The following CAMK1D variants were observed in gnomAD, a reference collection of about 807,000 sequenced individuals.
The protein encoded by CAMK1D is calcium/calmodulin-dependent protein kinase type 1D.
Under a neutral mutation model 47.7 loss-of-function variants are expected in CAMK1D, and 9 were observed. The ratio of observed to expected loss-of-function variants is 0.19; its 90% CI spans 0.11 to 0.33. The LOEUF (loss-of-function observed/expected upper bound fraction) is 0.33, where lower values mean the gene tolerates loss of function less well. CAMK1D is among the 10% of genes least tolerant of loss of function. The pLI is 1.00. For synonymous variants in CAMK1D, 184 were observed against 184.9 expected, an observed-to-expected ratio of 0.99 and a Z score of 0.04; for missense variants, 291 against 488.7, an observed-to-expected ratio of 0.60 and a Z score of 3.81.
intron 1 of CAMK1D, among the ~76,000 whole-genome samples, chr10:12,436,043 C>T (rs912924513): frequency 2.0e-5 from 3 of 152,158 alleles, no homozygotes; most frequent in Non-Finnish European, 4.4e-5. Flanking sequence ...TGCAGGTGAA[C>T]AGCCTGAGAG....
chr10:12,590,332 C>T (rs933576614), intron 2 of CAMK1D, among the ~76,000 whole-genome samples: 3 of 152,202 alleles, frequency 2.0e-5, no homozygotes, highest in Admixed American at 6.5e-5. Context: ...ATCCTCCTAC[C>T]TCAGCCTTCC....
At chr10:12,823,457 G>A (rs1192129515) in intron 8 of CAMK1D, among the ~76,000 whole-genome samples, 1 of 152,110 alleles carries the variant, frequency 6.6e-6, no homozygotes, top group Non-Finnish European at 1.5e-5. Flanking sequence ...GTGGATGCCT[G>A]TAGGGAGAGG....
intron 5 of CAMK1D, among the ~76,000 whole-genome samples, chr10:12,774,018 TGAA>T (rs1295254618): frequency 7.1e-6 from 1 of 141,110 alleles, no homozygotes; most frequent in Non-Finnish European, 1.5e-5. Context: ...ATTCAGCCCT[TGAA>T]GAATTATTTA....
At chr10:12,716,324 G>A (rs763847972) in intron 3 of CAMK1D, among the ~76,000 whole-genome samples, 12 of 152,120 alleles carry the variant, frequency 7.9e-5, no homozygotes, top group African/African-American at 2.2e-4. Context: ...TAGCATCCCC[G>A]GTCTCCAAAC....
intron 3 of CAMK1D, among the ~76,000 whole-genome samples, chr10:12,693,857 TG>T (rs1478551052): frequency 7.3e-6 from 1 of 136,138 alleles, no homozygotes; most frequent in African/African-American, 2.8e-5. Flanking sequence ...CACTCTAGCA[TG>T]GGGGACAGAG....
chr10:12,788,608 G>A (rs1213049390), intron 5 of CAMK1D, among the ~76,000 whole-genome samples: 8 of 152,160 alleles, frequency 5.3e-5, no homozygotes, highest in Non-Finnish European at 7.3e-5. Context: ...TGCTTCTCAC[G>A]CCTCTGTGCC....
chr10:12,460,313 T>C (rs1292438206), intron 1 of CAMK1D, among the ~76,000 whole-genome samples: 1 of 151,520 alleles, frequency 6.6e-6, no homozygotes, highest in Non-Finnish European at 1.5e-5. Context: ...CAGTCTGGAG[T>C]GCAGTGGTGT....
At chr10:12,553,811 C>G (rs755265406) in intron 2 of CAMK1D, among the ~76,000 whole-genome samples, 1 of 152,198 alleles carries the variant, frequency 6.6e-6, no homozygotes. Flanking sequence ...CTGTCGCCAC[C>G]GCTGTGAGTA....
At chr10:12,769,937 G>A in intron 5 of CAMK1D, 138 bp downstream of exon 5, 1 of 903,184 alleles carries the variant, frequency 1.1e-6, no homozygotes, top group Admixed American at 2.4e-5. Flanking sequence ...CTTCCCCTGG[G>A]GGAAAGAATA....
rs543945405 is a variant in CAMK1D, at chr10:12,445,971, C to G, written c.92+96061C>G. 9.9e-5 allele frequency among the ~76,000 whole-genome samples: 15 copies of G among 152,188 alleles called. No individual in the cohort carries two copies. In the South Asian group the frequency reaches 2.7e-3, roughly 27 times the overall value. Reference sequence around the variant, plus strand: ...TTGAAAAAGAATGAAAAGTTCCCAGCGAGGGAAATAAAGGTATTCTGTGTG... The same window carrying G: ...TTGAAAAAGAATGAAAAGTTCCCAGGGAGGGAAATAAAGGTATTCTGTGTG... On this transcript the variant is annotated intron_variant, in intron 1 of 10. Transcript: ENST00000619168.
intron 4 of CAMK1D, among the ~76,000 whole-genome samples, chr10:12,764,185 A>G (rs1836635508): frequency 6.6e-6 from 1 of 152,180 alleles, no homozygotes; most frequent in African/African-American, 2.4e-5. Flanking sequence ...GTTCGAGACC[A>G]GCCTGACCAA....
chr10:12,743,516 A>G (rs919076920), intron 3 of CAMK1D, among the ~76,000 whole-genome samples: 3 of 152,200 alleles, frequency 2.0e-5, no homozygotes, highest in African/African-American at 4.8e-5. Flanking sequence ...AAAAATAGGT[A>G]TAAATCACAT....
At chr10:12,732,388 G>T (rs745835206) in intron 3 of CAMK1D, among the ~76,000 whole-genome samples, 3 of 152,078 alleles carry the variant, frequency 2.0e-5, no homozygotes, top group Non-Finnish European at 2.9e-5. Flanking sequence ...AAAAATAAGG[G>T]ACATGATCTG....
rs1217555441 is a variant in CAMK1D at position 12,460,319 on chromosome 10, G to A, written c.93-92906G>A. ...TTTCTTGCCCAGTCTGGAGTGCAGT[G>A]GTGTGATCATATCTCCCTGCAGCCT... On this transcript the variant is annotated intron_variant, in intron 1 of 10. Coordinates refer to ENST00000619168, the MANE Select transcript of CAMK1D (RefSeq NM_153498.4). Among the ~76,000 whole-genome samples the A allele has an allele frequency of 3.3e-5, 5 of 150,800 alleles. No homozygotes were observed. In the East Asian group the frequency reaches 9.7e-4, roughly 29 times the overall value.
At chr10:12,567,918 G>C (rs546540043) in intron 2 of CAMK1D, among the ~76,000 whole-genome samples, 1 of 152,244 alleles carries the variant, frequency 6.6e-6, no homozygotes, top group South Asian at 2.1e-4. Flanking sequence ...AGGCAAATCT[G>C]TTTGTGGGCT....
At chr10:12,359,960 G>A (rs1473256106) in intron 1 of CAMK1D, among the ~76,000 whole-genome samples, 1 of 152,184 alleles carries the variant, frequency 6.6e-6, no homozygotes, top group Non-Finnish European at 1.5e-5. Flanking sequence ...CCAGGTCACA[G>A]GATGTTAGTG....
intron 2 of CAMK1D, among the ~76,000 whole-genome samples, chr10:12,606,178 G>T (rs879830799): frequency 1.0e-4 from 15 of 150,448 alleles, no homozygotes; most frequent in Admixed American, 4.6e-4. Flanking sequence ...CCTGTGAGCC[G>T]CGGCTGCTCA....
chr10:12,708,577 G>A (rs1833817453), intron 3 of CAMK1D, among the ~76,000 whole-genome samples: 2 of 152,168 alleles, frequency 1.3e-5, no homozygotes, highest in Non-Finnish European at 2.9e-5. Flanking sequence ...GCTTCAGACG[G>A]CCTCAGCAAA....
intron 2 of CAMK1D, among the ~76,000 whole-genome samples, chr10:12,564,786 AC>A (rs1837070218): frequency 1.3e-5 from 2 of 152,262 alleles, no homozygotes; most frequent in South Asian, 4.1e-4. Context: ...TTTAAGAAAT[AC>A]AGTGCTGCAA....
Sources: gnomAD v4.1 joint callset for allele counts (sites outside exome capture counted in the v4.1 genomes callset) on GRCh38, gnomAD v4.1.1 for gene constraint, MANE v1.5 for transcripts, NCBI Gene and HGNC (gene_info 2026-07-23, HGNC 2026-07-21) for gene names.